The following PYROXD2 variants were observed in gnomAD, a reference collection of about 807,000 sequenced individuals.
The protein encoded by PYROXD2 is pyridine nucleotide-disulphide oxidoreductase domain 2.
Under a neutral mutation model 71.1 loss-of-function variants are expected in PYROXD2, and 69 were observed. The observed-to-expected ratio is 0.97, with a 90% CI of 0.80 to 1.19. PYROXD2 has a LOEUF of 1.19. Among genes scored for constraint, PYROXD2 ranks in the 50% most tolerant of loss-of-function variants. PYROXD2 has a pLI of 0.00. For missense variants in PYROXD2, 745 were observed against 748.9 expected (o/e 0.99, Z 0.06); for synonymous variants, 287 against 302.7 (o/e 0.95, Z 0.54).
At chr10:98,395,557 G>C in intron 6 of PYROXD2, 105 bp from the exon 7 acceptor site, 1 of 982,432 alleles carries the variant, frequency 1.0e-6, no homozygotes, top group Non-Finnish European at 1.6e-6. Context: ...CTTCCTGCCA[G>C]GAGGTGGTAT....
intron 1 of PYROXD2, 37 bp from the exon 2 acceptor site, chr10:98,410,995 G>C: frequency 3.9e-6 from 6 of 1,556,046 alleles, no homozygotes; most frequent in Non-Finnish European, 5.2e-6. Flanking sequence ...AAACATCACT[G>C]GTCAGCGGGC....
chr10:98,413,965 G>T (rs1166094076), intron 1 of PYROXD2: 1 of 152,014 alleles, frequency 6.6e-6, no homozygotes, highest in African/African-American at 2.4e-5. Context: ...TGAGAGTATT[G>T]TATCTTTATT....
At chr10:98,383,930 G>C in intron 15 of PYROXD2, 62 bp from the exon 16 acceptor site, 47 of 1,425,342 alleles carry the variant, frequency 3.3e-5, no homozygotes, top group Non-Finnish European at 4.6e-5. Flanking sequence ...TGGGGGTGGG[G>C]ACAGGGCTTA....
At chr10:98,397,014 CA>C (rs1257982835) in intron 6 of PYROXD2, among the ~76,000 whole-genome samples, 2 of 152,214 alleles carry the variant, frequency 1.3e-5, no homozygotes, top group Non-Finnish European at 2.9e-5. Flanking sequence ...TTGTCACCCA[CA>C]GTGCTGGCTA....
intron 8 of PYROXD2, among the ~76,000 whole-genome samples, chr10:98,394,076 C>T (rs140185537): frequency 7.2e-4 from 110 of 152,298 alleles, no homozygotes; most frequent in Middle Eastern, 3.4e-3. Context: ...GCTGCTCCTC[C>T]TAGCATCACA....
chr10:98,395,856 A>T (rs10883085), intron 6 of PYROXD2, among the ~76,000 whole-genome samples: 62,859 of 152,036 alleles, frequency 0.41, 14,243 homozygotes, highest in African/African-American at 0.6. Context: ...TCCTGGGAGA[A>T]GGCTGGCATG....
Position 98,386,945 on chromosome 10 carries a change from A to T in PYROXD2, c.1554+256T>A, listed in dbSNP as rs2135917720. Among the ~76,000 whole-genome samples the T allele has an allele frequency of 2.0e-5, 3 of 152,294 alleles. No individual in the cohort carries two copies. The South Asian group carries it at 6.2e-4, about 32-fold the overall frequency. On this transcript the variant is annotated intron_variant, in intron 14 of 15. Transcript: ENST00000370575. Reference sequence around the variant, plus strand: ...AGATGGCAGAGCCAGCATAGTTGTCAAGGCAGAGGGCCACAATCCTGGTGA... The same window carrying T: ...AGATGGCAGAGCCAGCATAGTTGTCTAGGCAGAGGGCCACAATCCTGGTGA...
intron 4 of PYROXD2, among the ~76,000 whole-genome samples, chr10:98,406,421 G>T (rs1332913735): frequency 1.3e-5 from 2 of 152,182 alleles, no homozygotes; most frequent in Admixed American, 1.3e-4. Flanking sequence ...CTCTGGACTG[G>T]AGACCAGCGA....
chr10:98,413,253 G>C (rs1378041418), intron 1 of PYROXD2, among the ~76,000 whole-genome samples: 1 of 152,192 alleles, frequency 6.6e-6, no homozygotes, highest in Non-Finnish European at 1.5e-5. Context: ...CAGAAGGGCT[G>C]AATTTATTTT....
chr10:98,384,820 T>C (rs1432296069), intron 15 of PYROXD2, 127 bp downstream of exon 15: 1 of 1,326,736 alleles, frequency 7.5e-7, no homozygotes, highest in African/African-American at 1.5e-5. Flanking sequence ...GGGCAGCTTA[T>C]GTTGGGAGTT....
At chr10:98,413,569 C>A (rs1843860715) in intron 1 of PYROXD2, among the ~76,000 whole-genome samples, 1 of 151,922 alleles carries the variant, frequency 6.6e-6, no homozygotes, top group African/African-American at 2.4e-5. Context: ...CAAAAATTAG[C>A]CGGGCGTGGT....
chr10:98,384,872 CCTCCTT>C, intron 15 of PYROXD2, 69 bp downstream of exon 15: 1 of 1,491,500 alleles, frequency 6.7e-7, no homozygotes, highest in Non-Finnish European at 8.9e-7. Flanking sequence ...TGCTTAACTT[CCTCCTT>C]CTCCAAGTCT....
intron 14 of PYROXD2, 35 bp downstream of exon 14, chr10:98,387,166 G>T: frequency 6.7e-7 from 1 of 1,497,506 alleles, no homozygotes; most frequent in East Asian, 2.3e-5. Flanking sequence ...GCAGAGGGAA[G>T]GCTATGGTGA....
chr10:98,401,026 G>T (rs1011867539), intron 4 of PYROXD2, among the ~76,000 whole-genome samples: 1 of 152,062 alleles, frequency 6.6e-6, no homozygotes, highest in African/African-American at 2.4e-5. Context: ...GTCCAAGGCG[G>T]GCAGATCAGC....
rs749166911 is a variant in PYROXD2 at position 98,393,023 on chromosome 10, G to A, written c.846C>T (p.Tyr282=). The A allele has an allele frequency of 2.5e-5, 41 of 1,609,572 alleles. No homozygotes were observed. Among genetic ancestry groups the A allele is most frequent in the East Asian group, 1.1e-4 (5 of 44,776 alleles). The change falls in exon 9 of 16, where the codon TAC becomes TAT. Residue 282 remains tyrosine, a synonymous_variant. Transcript: ENST00000370575. ...AGAGGGCACCCATGCCCCCCTGGAC[G>A]TAGCCCCAGGCCCCCTGCATTCCCT... is the stretch of plus-strand genomic sequence containing the variant. The part of the protein sequence containing the change: ...GLEGMQGAWG[Y]VQGGMGALSD...
intron 4 of PYROXD2, among the ~76,000 whole-genome samples, chr10:98,406,891 C>CA (rs35562526): frequency 0.13 from 9,685 of 72,774 alleles, 506 homozygotes; most frequent in African/African-American, 0.22. Flanking sequence ...GACTCCGTCC[C>CA]AAAAAAAAAA....
chr10:98,395,070 G>A (rs1205611663), intron 8 of PYROXD2, 126 bp downstream of exon 8: 6 of 787,060 alleles, frequency 7.6e-6, no homozygotes, highest in African/African-American at 3.4e-5. Flanking sequence ...TGCCTGGCTC[G>A]GTTCCTGGCT....
chr10:98,390,944 C>G lies in PYROXD2; in HGVS notation c.1135+66G>C, dbSNP rs954242634. On this transcript the variant is annotated intron_variant, in intron 11 of 15. Transcript: ENST00000370575. ...GATGATGACTGAGTTCAGCTGCCCC[C>G]AGCCTGGAGGTTTCTCACTCAGATG... 1.1e-5 allele frequency: 16 copies of G among 1,417,688 alleles called. No homozygotes were observed. The African/African-American group carries it at 2.3e-4, about 20-fold the overall frequency. 87.8% of individuals were successfully genotyped at this position (1,417,688 alleles called of 1,614,324 possible). A position where few individuals can be genotyped will look rare whatever the true frequency, so the allele number is the denominator to read the frequency against.
At chr10:98,386,716 G>A (rs1842766427) in intron 14 of PYROXD2, among the ~76,000 whole-genome samples, 1 of 151,960 alleles carries the variant, frequency 6.6e-6, no homozygotes, top group South Asian at 2.1e-4. Flanking sequence ...ACACCTGGCG[G>A]GGTTTTTGTT....
Sources: allele counts gnomAD v4.1 joint callset (sites outside exome capture counted in the v4.1 genomes callset), GRCh38; gene constraint gnomAD v4.1.1; transcripts MANE v1.5; gene names NCBI Gene and HGNC (gene_info 2026-07-23, HGNC 2026-07-21).